Variants in NR2C2 observed in about 807,000 individuals in gnomAD.
The protein encoded by NR2C2 is nuclear receptor subfamily 2 group C member 2.
NR2C2 carries 6 observed loss-of-function variants against 62.9 expected under a neutral mutation model. The ratio of observed to expected loss-of-function variants is 0.10; its 90% confidence interval spans 0.05 to 0.19. The LOEUF is 0.19. NR2C2 is among the 10% of genes least tolerant of loss of function. The pLI is 1.00. For missense variants in NR2C2, 479 were observed against 762.7 expected (o/e 0.63, Z 4.38); for synonymous variants, 272 against 273.8 (o/e 0.99, Z 0.07).
chr3:15,036,967 C>T (rs1038877618), intron 11 of NR2C2, among the ~76,000 whole-genome samples: 2 of 151,306 alleles, frequency 1.3e-5, no homozygotes, highest in Non-Finnish European at 3.0e-5. Context: ...ACTAAAAATA[C>T]AAAAATTAGC....
chr3:15,043,901 T>C lies in NR2C2; in HGVS notation c.*893T>C, dbSNP rs1449960896. 6.6e-6 allele frequency: 1 copy of C among 152,232 alleles called. No individual in the cohort carries two copies. Among genetic ancestry groups the C allele is most frequent in the Non-Finnish European group, 1.5e-5 (1 of 68,048 alleles). 9.4% of individuals were successfully genotyped at this position (152,232 alleles called of 1,614,324 possible). A position where few individuals can be genotyped will look rare whatever the true frequency, so the allele number is the denominator to read the frequency against. ...TCCAGCAAGTGAAAACATCCCCAAG[T>C]CACATCCGCCGCTCGTGGCAGATGG... On this transcript the variant is annotated 3_prime_UTR_variant, in exon 14 of 14. Coordinates refer to ENST00000425241, the MANE Select transcript of NR2C2 (RefSeq NM_001291694.2).
At chr3:15,011,699 C>G (rs934165400) in intron 2 of NR2C2, among the ~76,000 whole-genome samples, 3 of 152,128 alleles carry the variant, frequency 2.0e-5, no homozygotes, top group Non-Finnish European at 4.4e-5. Context: ...GGGGTTTGTC[C>G]CATAATCAGC....
Position 15,016,145 on chromosome 3 carries a change from C to A in NR2C2, c.274-7C>A. ...GGCACCCCTGTTCGTTTCCTGATTT[C>A]TCTCAGATTGTCACGGATTCTGCCT... On this transcript the variant is annotated splice_polypyrimidine_tract_variant and splice_region_variant and intron_variant, in intron 3 of 13. Coordinates refer to ENST00000425241, the MANE Select transcript of NR2C2 (RefSeq NM_001291694.2). 6.2e-7 allele frequency: 1 copy of A among 1,611,146 alleles called. No individual in the cohort carries two copies. The highest frequency in any genetic ancestry group is 1.6e-4 in the Middle Eastern group (1 of 6,062).
intron 10 of NR2C2, chr3:15,034,373 T>C: frequency 3.7e-6 from 1 of 273,276 alleles, no homozygotes; most frequent in Non-Finnish European, 6.9e-6. Flanking sequence ...TCCAGGATGC[T>C]GAGGCTTTTG....
At chr3:14,979,851 A>G (rs2040313570) in intron 1 of NR2C2, among the ~76,000 whole-genome samples, 1 of 152,086 alleles carries the variant, frequency 6.6e-6, no homozygotes, top group South Asian at 2.1e-4. Context: ...TTTCACATAA[A>G]ATATATTTTG....
intron 1 of NR2C2, among the ~76,000 whole-genome samples, chr3:14,979,297 A>C (rs1423195313): frequency 2.0e-5 from 3 of 152,220 alleles, no homozygotes; most frequent in African/African-American, 7.2e-5. Context: ...CCAAATTGAA[A>C]TTGTTCATTG....
At chr3:15,024,672 A>G (rs73129410) in intron 7 of NR2C2, among the ~76,000 whole-genome samples, 2,067 of 152,294 alleles carry the variant, frequency 0.014, 51 homozygotes, top group African/African-American at 0.047. Flanking sequence ...TTGTGGACAG[A>G]GATGTTCGTC....
intron 13 of NR2C2, among the ~76,000 whole-genome samples, chr3:15,042,023 C>T (rs569011582): frequency 2.6e-5 from 4 of 152,218 alleles, no homozygotes; most frequent in East Asian, 3.9e-4. Context: ...TCTTCATTTT[C>T]TATGGTTCCT....
intron 1 of NR2C2, among the ~76,000 whole-genome samples, chr3:14,994,436 ATTCTTT>A (rs2040760523): frequency 9.5e-6 from 1 of 105,368 alleles, no homozygotes; most frequent in Non-Finnish European, 2.0e-5. Flanking sequence ...TTGTTTATTC[ATTCTTT>A]TTTTTTTTTT....
intron 1 of NR2C2, among the ~76,000 whole-genome samples, chr3:14,990,335 T>C (rs1423054808): frequency 1.3e-5 from 2 of 152,166 alleles, no homozygotes; most frequent in African/African-American, 4.8e-5. Context: ...GGCAGCAATC[T>C]AGGTGAAGGG....
At chr3:14,952,760 T>C (rs2039404439) in intron 1 of NR2C2, among the ~76,000 whole-genome samples, 1 of 152,082 alleles carries the variant, frequency 6.6e-6, no homozygotes, top group Non-Finnish European at 1.5e-5. Context: ...TTCTCTGTCA[T>C]TCTCTCCCAT....
At chr3:15,005,925 G>A (rs1303891506) in intron 2 of NR2C2, among the ~76,000 whole-genome samples, 2 of 151,990 alleles carry the variant, frequency 1.3e-5, no homozygotes, top group Non-Finnish European at 2.9e-5. Flanking sequence ...CTCCATTTAG[G>A]CTGGGTACAG....
chr3:14,980,690 T>C (rs2040342007), intron 1 of NR2C2, among the ~76,000 whole-genome samples: 1 of 152,102 alleles, frequency 6.6e-6, no homozygotes, highest in Non-Finnish European at 1.5e-5. Flanking sequence ...ACAGAGTAAA[T>C]ACAGGATTTC....
intron 4 of NR2C2, among the ~76,000 whole-genome samples, chr3:15,019,716 A>C (rs746650697): frequency 5.9e-5 from 9 of 152,174 alleles, no homozygotes; most frequent in Non-Finnish European, 1.3e-4. Flanking sequence ...AATTGATATC[A>C]TAGAAACAGA....
intron 2 of NR2C2, among the ~76,000 whole-genome samples, chr3:15,011,640 T>A (rs1046786961): frequency 6.6e-6 from 1 of 152,216 alleles, no homozygotes; most frequent in Non-Finnish European, 1.5e-5. Flanking sequence ...TCCATTCTCC[T>A]TGAGCCTTAA....
chr3:14,999,790 C>T (rs774781760), intron 1 of NR2C2, among the ~76,000 whole-genome samples: 1 of 151,982 alleles, frequency 6.6e-6, no homozygotes, highest in Non-Finnish European at 1.5e-5. Context: ...ATCGTGGCAC[C>T]TTTATCAAAT....
At chr3:15,009,519 A>T (rs1239341568) in intron 2 of NR2C2, among the ~76,000 whole-genome samples, 1 of 152,198 alleles carries the variant, frequency 6.6e-6, no homozygotes. Context: ...ATCTTTTCAC[A>T]ACAAGCATTA....
At chr3:15,040,928 C>A (rs2042242605) in intron 13 of NR2C2, among the ~76,000 whole-genome samples, 1 of 152,318 alleles carries the variant, frequency 6.6e-6, no homozygotes, top group South Asian at 2.1e-4. Context: ...AAATGGCCCT[C>A]TGGGGCTACT....
In NR2C2 at chr3:15,024,288, C is replaced by G. The variant is rs994900195; in HGVS notation, c.798+80C>G. On this transcript the variant is annotated intron_variant, in intron 7 of 13. Transcript: ENST00000425241. ...CTTCTCTAACTGTGTGCACCACTTT[C>G]TTCCTGGCCTTCAGAGACCACATCA... The G allele has an allele frequency of 4.4e-6, 4 of 910,762 alleles. No homozygotes were observed. The South Asian group carries it at 6.6e-5, about 15-fold the overall frequency. The allele number at this position is 910,762 out of a possible 1,614,324, so 56.4% of individuals were successfully genotyped here. A position where few individuals can be genotyped will look rare whatever the true frequency, so the allele number is the denominator to read the frequency against.
Sources: gnomAD v4.1 joint callset for allele counts (sites outside exome capture counted in the v4.1 genomes callset) on GRCh38, gnomAD v4.1.1 for gene constraint, MANE v1.5 for transcripts, NCBI Gene and HGNC (gene_info 2026-07-23, HGNC 2026-07-21) for gene names.